The following NFILZ variants were observed in gnomAD, a reference collection of about 807,000 sequenced individuals.
NFILZ encodes NFIL3 like protein.
intron 3 of NFILZ, among the ~76,000 whole-genome samples, chr19:8,641,273 A>C (rs2042918051): frequency 6.6e-6 from 1 of 151,382 alleles, no homozygotes; most frequent in Non-Finnish European, 1.5e-5. Context: ...GCTGGTCTTG[A>C]ACTCCCAGGC....
At chr19:8,661,598 T>A (rs782264601) in intron 3 of NFILZ, among the ~76,000 whole-genome samples, 21 of 152,052 alleles carry the variant, frequency 1.4e-4, no homozygotes, top group South Asian at 4.1e-4. Context: ...ATTTGTCAAT[T>A]AAAAATAAGA....
chr19:8,638,906 CAA>C (rs1385449930), intron 3 of NFILZ, among the ~76,000 whole-genome samples: 1 of 149,910 alleles, frequency 6.7e-6, no homozygotes, highest in Non-Finnish European at 1.5e-5. Context: ...TGCAGTGGCA[CAA>C]TCTTGGATCA....
At chr19:8,663,962 C>T (rs1475806805) in intron 3 of NFILZ, among the ~76,000 whole-genome samples, 2 of 152,066 alleles carry the variant, frequency 1.3e-5, no homozygotes, top group Non-Finnish European at 2.9e-5. Flanking sequence ...TGTGTGGTGA[C>T]TGAGGCCAGT....
At chr19:8,672,066 C>T (rs552517149) in intron 3 of NFILZ, among the ~76,000 whole-genome samples, 2 of 152,200 alleles carry the variant, frequency 1.3e-5, no homozygotes, top group African/African-American at 2.4e-5. Context: ...CATTTACCCA[C>T]GCTTCACTCA....
chr19:8,676,357 AG>A lies in NFILZ; in HGVS notation c.-113del, dbSNP rs1411946159. 6.6e-6 allele frequency among the ~76,000 whole-genome samples: 1 copy of A among 152,192 alleles called. No individual in the cohort carries two copies. The highest frequency in any genetic ancestry group is 1.5e-5 in the Non-Finnish European group (1 of 68,028). On this transcript the variant is annotated splice_acceptor_variant, in intron 4 of 5. Coordinates refer to ENST00000691075, the MANE Select transcript of NFILZ (RefSeq NM_001378600.1). LOFTEE classifies it low-confidence loss of function (5UTR_SPLICE). Reference sequence around the variant, plus strand: ...CCATGGATACATATTCTCTATTTCTAGGTTCAGTCATCCTTCTGTCTCCCTC... The same window carrying A: ...CCATGGATACATATTCTCTATTTCTAGTTCAGTCATCCTTCTGTCTCCCTC...
chr19:8,647,180 T>C (rs782346962), intron 3 of NFILZ, among the ~76,000 whole-genome samples: 2 of 152,078 alleles, frequency 1.3e-5, no homozygotes, highest in Non-Finnish European at 2.9e-5. Flanking sequence ...CTATTCACAA[T>C]AGCAAAGACA....
At chr19:8,675,907 A>G (rs1600157198) in intron 4 of NFILZ, among the ~76,000 whole-genome samples, 1 of 152,344 alleles carries the variant, frequency 6.6e-6, no homozygotes, top group East Asian at 1.9e-4. Context: ...TAGATGGTGG[A>G]TGGTTGAGAT....
chr19:8,653,038 T>TTCTTTCTCTCTCCCTCTCTCTCTC (rs1555747925), intron 3 of NFILZ, among the ~76,000 whole-genome samples: 22 of 90,592 alleles, frequency 2.4e-4, no homozygotes, highest in Middle Eastern at 5.6e-3. Context: ...CTTTCTTTCT[T>TTCTTTCTCTCTCCCTCTCTCTCTC]TCTCTCTCTC....
chr19:8,650,669 A>G (rs1379808164), intron 3 of NFILZ, among the ~76,000 whole-genome samples: 2 of 149,046 alleles, frequency 1.3e-5, no homozygotes, highest in African/African-American at 4.9e-5. Context: ...AAAAAAAAAA[A>G]GAAGAAAGAA....
At chr19:8,644,017 T>C (rs550124477) in intron 3 of NFILZ, among the ~76,000 whole-genome samples, 1 of 152,174 alleles carries the variant, frequency 6.6e-6, no homozygotes, top group South Asian at 2.1e-4. Context: ...TCCCTCATTA[T>C]GGATTGAATT....
intron 3 of NFILZ, among the ~76,000 whole-genome samples, chr19:8,656,359 A>AAGCCCACCTTCTCCCGC (rs2042997373): frequency 1.2e-5 from 1 of 83,776 alleles, no homozygotes; most frequent in African/African-American, 4.3e-5. Context: ...CTCTTCCCTG[A>AAGCCCACCTTCTCCCGC]AGCCCACCTT....
At chr19:8,662,695 G>A (rs1159294203) in intron 3 of NFILZ, among the ~76,000 whole-genome samples, 1 of 149,456 alleles carries the variant, frequency 6.7e-6, no homozygotes, top group Non-Finnish European at 1.5e-5. Flanking sequence ...GGTGTGCAGT[G>A]ACACGATCTT....
Position 8,679,269 on chromosome 19 carries a change from C to CATTATTATT in NFILZ, c.*1663_*1671dup, listed in dbSNP as rs55926423. ...TCAGTTTCTCACTCAGCCCCTCTCC[C>CATTATTATT]ATTATTATTATTATTATTATTATTA... On this transcript the variant is annotated 3_prime_UTR_variant, in exon 6 of 6. Coordinates refer to ENST00000691075, the MANE Select transcript of NFILZ (RefSeq NM_001378600.1). Among the ~76,000 whole-genome samples the CATTATTATT allele has an allele frequency of 0.02, 2,945 of 145,802 alleles. 97 individuals are homozygous for CATTATTATT. Among genetic ancestry groups the CATTATTATT allele is most frequent in the African/African-American group, 0.065 (2,546 of 39,092 alleles).
chr19:8,663,770 G>A (rs1395921121), intron 3 of NFILZ, among the ~76,000 whole-genome samples: 2 of 149,020 alleles, frequency 1.3e-5, no homozygotes, highest in Admixed American at 1.3e-4. Context: ...GTGTGTGTGT[G>A]TATGTATGTG....
intron 3 of NFILZ, among the ~76,000 whole-genome samples, chr19:8,662,968 GA>G: frequency 7.3e-6 from 1 of 136,878 alleles, no homozygotes; most frequent in South Asian, 2.7e-4. Flanking sequence ...TTTTTTAAGA[GA>G]CAGCGTCTCA....
intron 3 of NFILZ, among the ~76,000 whole-genome samples, chr19:8,668,593 G>C (rs531845039): frequency 2.4e-4 from 37 of 152,230 alleles, no homozygotes; most frequent in Middle Eastern, 6.8e-3. Context: ...GGAATTTCTT[G>C]AAGTGGCCAC....
rs1389655202 is a variant in NFILZ, at chr19:8,652,981, TTCC to T, written c.-164+17237_-164+17239del. On this transcript the variant is annotated intron_variant, in intron 3 of 5. Coordinates refer to ENST00000691075, the MANE Select transcript of NFILZ (RefSeq NM_001378600.1). ...TTCCCTTCCTTCCCTCCTTCCTTCCTTCCTTCCTTCCTTCCTTCCTTCCTTCCT... is the reference window on the plus strand; with the variant it reads ...TTCCCTTCCTTCCCTCCTTCCTTCCTTTCCTTCCTTCCTTCCTTCCTTCCT... Among the ~76,000 whole-genome samples the T allele has an allele frequency of 6.8e-4, 60 of 88,102 alleles. No homozygotes were observed. The East Asian group carries it at 0.022, about 33-fold the overall frequency. The allele number at this position is 88,102 out of a possible 152,430, so 57.8% of individuals were successfully genotyped here.
rs1413055793 is a variant in NFILZ at position 8,656,478 on chromosome 19, C to T, written c.-163-18073C>T. On this transcript the variant is annotated intron_variant, in intron 3 of 5. Transcript: ENST00000691075. ...ACCTTCTCTCTGAAGCCCACCTTCT[C>T]CCGCAGCCCACCTTCTCCCGCAGCC... 7.4e-4 allele frequency among the ~76,000 whole-genome samples: 56 copies of T among 75,972 alleles called. 2 individuals are homozygous for T. The highest frequency in any genetic ancestry group is 7.5e-3 in the Middle Eastern group (1 of 134). 49.8% of individuals were successfully genotyped at this position (75,972 alleles called of 152,430 possible).
chr19:8,664,530 C>T (rs1212640950), intron 3 of NFILZ, among the ~76,000 whole-genome samples: 4 of 152,142 alleles, frequency 2.6e-5, no homozygotes, highest in African/African-American at 9.7e-5. Context: ...GCATTTTCCC[C>T]TTGAAGACTG....
Sources: allele counts gnomAD v4.1 joint callset (sites outside exome capture counted in the v4.1 genomes callset), GRCh38; gene constraint gnomAD v4.1.1; transcripts MANE v1.5; gene names NCBI Gene and HGNC (gene_info 2026-07-23, HGNC 2026-07-21).